Variants in MTHFD2L observed in about 807,000 individuals in gnomAD.
MTHFD2L encodes bifunctional methylenetetrahydrofolate dehydrogenase/cyclohydrolase 2, mitochondrial.
MTHFD2L carries 29 observed loss-of-function variants against 34.9 expected under a neutral mutation model. The observed-to-expected ratio is 0.83, with a 90% CI of 0.62 to 1.13. The LOEUF is 1.13. Among genes scored for constraint, MTHFD2L ranks in the 50% most tolerant of loss-of-function variants. The probability of loss-of-function intolerance (pLI) is 0.00; values close to 1 mark genes in which losing one functional copy is unlikely to be tolerated. For synonymous variants in MTHFD2L, 167 were observed against 155.7 expected, an observed-to-expected ratio of 1.07 and a Z score of -0.54; for missense variants, 481 against 446.5, an observed-to-expected ratio of 1.08 and a Z score of -0.70.
chr4:74,238,297 T>A (rs371400121), intron 6 of MTHFD2L, among the ~76,000 whole-genome samples: 1 of 152,172 alleles, frequency 6.6e-6, no homozygotes, highest in East Asian at 1.9e-4. Context: ...GGTATATATC[T>A]GTGGTGCGTT....
At chr4:74,142,262 G>C (rs976221917) in intron 1 of MTHFD2L, among the ~76,000 whole-genome samples, 1 of 152,182 alleles carries the variant, frequency 6.6e-6, no homozygotes, top group Admixed American at 6.6e-5. Flanking sequence ...GTTATGAGCT[G>C]AATATTTGTG....
chr4:74,137,566 A>G (rs1011448061), intron 1 of MTHFD2L, among the ~76,000 whole-genome samples: 13 of 152,160 alleles, frequency 8.5e-5, no homozygotes, highest in African/African-American at 3.1e-4. Context: ...TCTTCAAAAA[A>G]CTGAAAATAG....
chr4:74,272,450 G>T (rs1365712684), intron 6 of MTHFD2L, among the ~76,000 whole-genome samples: 4 of 152,146 alleles, frequency 2.6e-5, no homozygotes, highest in Non-Finnish European at 5.9e-5. Flanking sequence ...AGGGTAAAAT[G>T]AGAAACTGGG....
At chr4:74,300,857 G>T (rs1750214317) in intron 7 of MTHFD2L, among the ~76,000 whole-genome samples, 1 of 152,030 alleles carries the variant, frequency 6.6e-6, no homozygotes, top group Non-Finnish European at 1.5e-5. Context: ...CCATAAACAT[G>T]CTCAGAACAC....
At chr4:74,268,741 G>A (rs1012867504) in intron 6 of MTHFD2L, among the ~76,000 whole-genome samples, 3 of 152,086 alleles carry the variant, frequency 2.0e-5, no homozygotes, top group African/African-American at 7.2e-5. Flanking sequence ...TCAATTCTGA[G>A]ATTATCAAAT....
chr4:74,292,562 AGG>A (rs1214914094), intron 7 of MTHFD2L, among the ~76,000 whole-genome samples: 1 of 152,002 alleles, frequency 6.6e-6, no homozygotes, highest in Non-Finnish European at 1.5e-5. Context: ...CAGTGACTTC[AGG>A]CAAAAGGGAT....
upstream of MTHFD2L, among the ~76,000 whole-genome samples, chr4:74,124,290 A>G (rs923136168): frequency 6.6e-6 from 1 of 151,846 alleles, no homozygotes; most frequent in Non-Finnish European, 1.5e-5. Flanking sequence ...TTTTAAAAAA[A>G]ATACAAGTCA....
At chr4:74,205,078 A>C (rs1050998659) in intron 5 of MTHFD2L, among the ~76,000 whole-genome samples, 4 of 152,188 alleles carry the variant, frequency 2.6e-5, no homozygotes, top group Non-Finnish European at 5.9e-5. Flanking sequence ...TTAGAATTAC[A>C]GTAACTAAAA....
intron 1 of MTHFD2L, among the ~76,000 whole-genome samples, chr4:74,150,144 A>T (rs1197125446): frequency 6.6e-6 from 1 of 152,178 alleles, no homozygotes; most frequent in East Asian, 1.9e-4. Flanking sequence ...AAGGAAGGAG[A>T]TGGATTCTCC....
chr4:74,202,917 T>G (rs532337574), intron 5 of MTHFD2L, among the ~76,000 whole-genome samples: 1 of 152,172 alleles, frequency 6.6e-6, no homozygotes, highest in African/African-American at 2.4e-5. Flanking sequence ...ATATATAGAT[T>G]TCTTATTATT....
At chr4:74,288,246 T>C (rs1346564481) in intron 7 of MTHFD2L, 1 of 152,250 alleles carries the variant, frequency 6.6e-6, no homozygotes, top group East Asian at 1.9e-4. Flanking sequence ...CTGAGTGTTG[T>C]CCTTATCCAC....
chr4:74,214,718 T>C (rs1477775656), intron 5 of MTHFD2L, among the ~76,000 whole-genome samples: 2 of 151,846 alleles, frequency 1.3e-5, no homozygotes, highest in Non-Finnish European at 2.9e-5. Flanking sequence ...AGTCTGTCCC[T>C]TAGCAGAGCT....
upstream of MTHFD2L, among the ~76,000 whole-genome samples, chr4:74,119,272 A>G (rs1324607986): frequency 6.6e-6 from 1 of 152,146 alleles, no homozygotes. Flanking sequence ...ATTTTAGTCC[A>G]TGTGTGTCCT....
At chr4:74,291,003 C>CTTTTTTT (rs10585551) in intron 7 of MTHFD2L, among the ~76,000 whole-genome samples, 673 of 29,298 alleles carry the variant, frequency 0.023, 133 homozygotes, top group Non-Finnish European at 0.034. Flanking sequence ...TTTTCCTTTT[C>CTTTTTTT]TTTTTTTTTT....
intron 3 of MTHFD2L, chr4:74,180,612 C>A: frequency 2.8e-6 from 1 of 361,874 alleles, no homozygotes; most frequent in Non-Finnish European, 6.1e-6. Flanking sequence ...GAGCAACAAG[C>A]AAAGAAATGA....
chr4:74,244,686 T>C (rs1742169396), intron 6 of MTHFD2L, among the ~76,000 whole-genome samples: 1 of 152,196 alleles, frequency 6.6e-6, no homozygotes. Flanking sequence ...ACCAGTGGAT[T>C]TTAGCATTAC....
At chr4:74,253,601 G>A (rs1291629647) in intron 6 of MTHFD2L, among the ~76,000 whole-genome samples, 1 of 152,092 alleles carries the variant, frequency 6.6e-6, no homozygotes, top group Non-Finnish European at 1.5e-5. Context: ...TCACCCCAGT[G>A]AATCCCAAAG....
At chr4:74,256,252 G>A (rs933885126) in intron 6 of MTHFD2L, among the ~76,000 whole-genome samples, 2 of 152,088 alleles carry the variant, frequency 1.3e-5, no homozygotes, top group African/African-American at 4.8e-5. Context: ...TGGGACTACA[G>A]GCGCATGCCA....
chr4:74,222,841 A>C (rs1419543813), intron 5 of MTHFD2L, among the ~76,000 whole-genome samples: 1 of 151,926 alleles, frequency 6.6e-6, no homozygotes. Flanking sequence ...CTTTACTCTC[A>C]TTTTTTTACA....
Sources: gnomAD v4.1 joint callset for allele counts (sites outside exome capture counted in the v4.1 genomes callset) on GRCh38, gnomAD v4.1.1 for gene constraint, MANE v1.5 for transcripts, NCBI Gene and HGNC (gene_info 2026-07-23, HGNC 2026-07-21) for gene names.